Variants in SUMF1 observed in about 807,000 individuals in gnomAD.
SUMF1 encodes formylglycine-generating enzyme.
SUMF1 carries 48 observed loss-of-function variants against 47.6 expected under a neutral mutation model. The ratio of observed to expected loss-of-function variants is 1.01; its 90% CI spans 0.80 to 1.28. The LOEUF (loss-of-function observed/expected upper bound fraction) is 1.28, where lower values mean the gene tolerates loss of function less well. Among genes scored for constraint, SUMF1 ranks in the 50% most tolerant of loss-of-function variants. The probability of loss-of-function intolerance (pLI) is 0.00; values close to 1 mark genes in which losing one functional copy is unlikely to be tolerated. For missense variants in SUMF1, 571 were observed against 485.4 expected (o/e 1.18, Z -1.66); for synonymous variants, 230 against 192.1 (o/e 1.20, Z -1.63).
Position 4,420,084 on chromosome 3 carries a change from A to G in SUMF1, c.582T>C (p.Pro194=). The G allele has an allele frequency of 6.2e-7, 1 of 1,614,142 alleles. No homozygotes were observed. Among genetic ancestry groups the G allele is most frequent in the Non-Finnish European group, 8.5e-7 (1 of 1,179,994 alleles). The change falls in exon 4 of 9, where the codon CCT becomes CCC. Residue 194 remains proline, a synonymous_variant. Coordinates refer to ENST00000272902, the MANE Select transcript of SUMF1 (RefSeq NM_182760.4). The part of the protein sequence containing the change: ...KGANWRHPEG[P]DSTILHRPDH... ...CTCACCTGTGCAGAATAGTAGAGTC[A>G]GGCCCTTCTGGGTGTCTCCAGTTAG...
intron 1 of SUMF1, among the ~76,000 whole-genome samples, chr3:4,460,188 G>T (rs1488969383): frequency 2.0e-5 from 3 of 152,074 alleles, no homozygotes; most frequent in Non-Finnish European, 4.4e-5. Context: ...CACTATTTTT[G>T]TATTTACTTA....
At chr3:4,212,632 G>A (rs1233427830) in intron 8 of SUMF1, among the ~76,000 whole-genome samples, 3 of 152,110 alleles carry the variant, frequency 2.0e-5, no homozygotes, top group African/African-American at 7.2e-5. Context: ...GGAGCATGCT[G>A]TAACTCAATG....
intron 8 of SUMF1, among the ~76,000 whole-genome samples, chr3:4,209,071 C>A (rs1695718087): frequency 6.6e-6 from 1 of 152,098 alleles, no homozygotes; most frequent in African/African-American, 2.4e-5. Flanking sequence ...ATGATTTCTT[C>A]CTTAAATACT....
At chr3:4,039,928 T>C (rs1055751871) in intron 9 of SUMF1, among the ~76,000 whole-genome samples, 3 of 151,938 alleles carry the variant, frequency 2.0e-5, no homozygotes, top group African/African-American at 7.3e-5. Context: ...GAGCCTGAGA[T>C]AGGAGGATCA....
intron 8 of SUMF1, among the ~76,000 whole-genome samples, chr3:4,263,791 C>T (rs1697134697): frequency 6.6e-6 from 1 of 152,136 alleles, no homozygotes; most frequent in Non-Finnish European, 1.5e-5. Context: ...TCCATTCTGC[C>T]TTAAATTATA....
At chr3:4,284,068 G>C (rs945995499) in intron 8 of SUMF1, among the ~76,000 whole-genome samples, 3 of 152,006 alleles carry the variant, frequency 2.0e-5, no homozygotes, top group African/African-American at 7.3e-5. Flanking sequence ...TCAGACCATA[G>C]CAAGAACCCT....
intron 8 of SUMF1, among the ~76,000 whole-genome samples, chr3:4,338,113 T>A (rs1699192649): frequency 6.6e-6 from 1 of 152,120 alleles, no homozygotes; most frequent in South Asian, 2.1e-4. Flanking sequence ...GTAAGAATAT[T>A]TTAGAGCTTG....
intron 8 of SUMF1, among the ~76,000 whole-genome samples, chr3:4,372,780 C>A (rs971653910): frequency 6.6e-6 from 1 of 152,200 alleles, no homozygotes; most frequent in Admixed American, 6.5e-5. Context: ...ATTCCCTAAT[C>A]CACATCTCAA....
At chr3:4,133,089 C>T (rs115666135) in intron 8 of SUMF1, among the ~76,000 whole-genome samples, 2,758 of 152,252 alleles carry the variant, frequency 0.018, 43 homozygotes, top group Non-Finnish European at 0.022. Flanking sequence ...ACATGACCAG[C>T]TGCAGAAAGA....
chr3:4,313,792 C>T (rs1459917282), intron 8 of SUMF1: 16 of 1,613,050 alleles, frequency 9.9e-6, no homozygotes, highest in Non-Finnish European at 1.3e-5. Context: ...GCAGCTTGCC[C>T]CTCCCTATAG....
At chr3:4,192,992 T>C (rs943813137) in intron 8 of SUMF1, among the ~76,000 whole-genome samples, 4 of 152,140 alleles carry the variant, frequency 2.6e-5, no homozygotes, top group Non-Finnish European at 5.9e-5. Context: ...AGAATAGGCC[T>C]CAATCCAGGC....
chr3:4,162,151 C>T (rs1694592239), intron 8 of SUMF1, among the ~76,000 whole-genome samples: 1 of 152,094 alleles, frequency 6.6e-6, no homozygotes, highest in Admixed American at 6.5e-5. Context: ...GTCTAATGCC[C>T]TATCCTGTTG....
At position 4,174,736 on chromosome 3, in the gene SUMF1, C is replaced by T. The variant is rs141859208; in HGVS notation, c.1015-105991G>A. On this transcript the variant is annotated intron_variant and NMD_transcript_variant, in intron 8 of 12. Coordinates refer to the SUMF1 transcript ENST00000448413. The stretch of plus-strand genomic sequence containing the variant: ...TGAGCCAAAGCAGGATGGGGCATCA[C>T]CTCACCCAGGAAGCACAAGGGGTCA... Among the ~76,000 whole-genome samples, 1,025 of 152,224 alleles carry T rather than the reference C, an allele frequency of 6.7e-3. 11 individuals carry two copies. Among genetic ancestry groups the T allele is most frequent in the African/African-American group, 0.023 (972 of 41,548 alleles).
intron 8 of SUMF1, among the ~76,000 whole-genome samples, chr3:4,289,829 G>T (rs982964503): frequency 6.7e-6 from 1 of 148,274 alleles, no homozygotes; most frequent in Non-Finnish European, 1.5e-5. Context: ...TAATAAACAC[G>T]CTGAATAACT....
chr3:4,437,519 T>G (rs1443982107), intron 3 of SUMF1, among the ~76,000 whole-genome samples: 1 of 152,060 alleles, frequency 6.6e-6, no homozygotes, highest in East Asian at 1.9e-4. Context: ...AATCCAAAAA[T>G]GTCAATAGCC....
At chr3:4,408,437 C>T (rs567241782) in intron 7 of SUMF1, among the ~76,000 whole-genome samples, 9 of 152,178 alleles carry the variant, frequency 5.9e-5, no homozygotes, top group African/African-American at 1.7e-4. Flanking sequence ...TTTTGTAACA[C>T]TTCATAATTA....
chr3:4,261,463 C>G (rs1175420138), intron 8 of SUMF1, among the ~76,000 whole-genome samples: 2 of 152,200 alleles, frequency 1.3e-5, no homozygotes, highest in Non-Finnish European at 2.9e-5. Flanking sequence ...ACTGAATTTG[C>G]TGTCTAGTTT....
chr3:4,250,735 T>A (rs945316323), intron 8 of SUMF1, among the ~76,000 whole-genome samples: 2 of 152,186 alleles, frequency 1.3e-5, no homozygotes, highest in African/African-American at 4.8e-5. Context: ...CTAATTCTAA[T>A]CTGCTTAAAT....
At chr3:4,265,186 A>ATGCATC (rs1229066170) in intron 8 of SUMF1, among the ~76,000 whole-genome samples, 2 of 150,294 alleles carry the variant, frequency 1.3e-5, no homozygotes, top group African/African-American at 4.9e-5. Context: ...AATATGTTCT[A>ATGCATC]TGCATCTGGC....
Sources: allele counts gnomAD v4.1 joint callset (sites outside exome capture counted in the v4.1 genomes callset), GRCh38; gene constraint gnomAD v4.1.1; transcripts MANE v1.5; gene names NCBI Gene and HGNC (gene_info 2026-07-23, HGNC 2026-07-21).